COL6A6: variants seen among roughly 807,000 people sequenced by gnomAD.
COL6A6 encodes collagen type VI alpha 6 chain.
In COL6A6, 183 loss-of-function variants were observed where a neutral mutation model predicts 208.6. The ratio of observed to expected loss-of-function variants is 0.88; its 90% CI spans 0.78 to 0.99. The LOEUF is 0.99. Among genes scored for constraint, COL6A6 ranks in the 50% least tolerant of loss-of-function variants. COL6A6 has a pLI of 0.00. For missense variants in COL6A6, 2,816 were observed against 2,815.2 expected (o/e 1.00, Z -0.01); for synonymous variants, 973 against 1,011.8 (o/e 0.96, Z 0.73).
chr3:130,675,881 A>G lies in COL6A6; in HGVS notation c.*484A>G, dbSNP rs2066347428. On this transcript the variant is annotated 3_prime_UTR_variant, in exon 37 of 37. Coordinates refer to ENST00000358511, the MANE Select transcript of COL6A6 (RefSeq NM_001102608.3). The stretch of plus-strand genomic sequence containing the variant: ...GCTGTTTATATGTCGTATTTTTTTA[A>G]AACGTGACCTTCTATTCCACTTAAA... 6.6e-6 allele frequency: 1 copy of G among 152,378 alleles called. No homozygotes were observed. The highest frequency in any genetic ancestry group is 1.5e-5 in the Non-Finnish European group (1 of 68,178). The allele number at this position is 152,378 out of a possible 1,614,324, so 9.4% of individuals were successfully genotyped here. A position where few individuals can be genotyped will look rare whatever the true frequency, so the allele number is the denominator to read the frequency against.
chr3:130,647,013 A>G (rs2065480618), intron 32 of COL6A6, among the ~76,000 whole-genome samples: 1 of 152,160 alleles, frequency 6.6e-6, no homozygotes, highest in African/African-American at 2.4e-5. Context: ...TGTTGTGTTT[A>G]GGTTACATGG....
chr3:130,563,374 A>G lies in COL6A6; in HGVS notation c.371A>G (p.Asn124Ser). 1 of 1,614,014 alleles carries G rather than the reference A, an allele frequency of 6.2e-7. No homozygotes were observed. The highest frequency in any genetic ancestry group is 1.3e-5 in the African/African-American group (1 of 75,058). ...AGGACTTATTTCTCTGCACCCGCAAATGGGAGAGACAAGAAACAGTTTCCC... is the reference window on the plus strand; with the variant it reads ...AGGACTTATTTCTCTGCACCCGCAAGTGGGAGAGACAAGAAACAGTTTCCC... ...AHRTYFSAPA[N>S]GRDKKQFPPI... Residue 124 changes from asparagine to serine, a missense_variant, in exon 3 of 37, where the codon AAT becomes AGT. Asn to Ser is a conservative substitution (Grantham distance 46). Transcript: ENST00000358511.
chr3:130,594,999 A>G (rs57098039), intron 18 of COL6A6, among the ~76,000 whole-genome samples: 13,647 of 152,154 alleles, frequency 0.09, 1,455 homozygotes, highest in African/African-American at 0.26. Flanking sequence ...GATTATTACA[A>G]TTCAAGATGA....
chr3:130,568,234 C>G lies in COL6A6; in HGVS notation c.2031C>G (p.Asn677Lys). 6.2e-7 allele frequency: 1 copy of G among 1,614,032 alleles called. No homozygotes were observed. The highest frequency in any genetic ancestry group is 1.7e-5 in the Admixed American group (1 of 60,032). Residue 677 changes from asparagine to lysine, a missense_variant, in exon 6 of 37, where the codon AAC (asparagine) becomes AAG (lysine). Transcript: ENST00000358511. Reference protein sequence around the residue: ...SDINKEEFQLNRFMSQSDISN... With the variant: ...SDINKEEFQLKRFMSQSDISN... ...TCAATAAGGAAGAGTTTCAGCTCAA[C>G]AGATTCATGTCCCAAAGCGACATTT...
rs764380776 is a variant in COL6A6, at chr3:130,565,045, T to C, written c.713T>C (p.Ile238Thr). The C allele has an allele frequency of 1.2e-6, 2 of 1,613,974 alleles. No homozygotes were observed. Among genetic ancestry groups the C allele is most frequent in the South Asian group, 1.1e-5 (1 of 91,078 alleles). The change falls in exon 4 of 37, where the codon ATC (isoleucine) becomes ACC (threonine). Residue 238 changes from isoleucine to threonine, a missense_variant. Coordinates refer to ENST00000358511, the MANE Select transcript of COL6A6 (RefSeq NM_001102608.3). ...GTTGTGTTCCTATTGGATATGTCAA[T>C]CAATGGAAGTGAGGAGAACTTTGAC... is the stretch of plus-strand genomic sequence containing the variant. Reference protein sequence around the residue: ...ADVVFLLDMSINGSEENFDYL... With the variant: ...ADVVFLLDMSTNGSEENFDYL...
chr3:130,628,451 AAT>A (rs1331759522), intron 26 of COL6A6, among the ~76,000 whole-genome samples: 1 of 152,242 alleles, frequency 6.6e-6, no homozygotes, highest in African/African-American at 2.4e-5. Context: ...GCTAAAAGGA[AAT>A]AACAAAATGT....
rs1268796964 is a variant in COL6A6 at position 130,626,550 on chromosome 3, T to A, written c.4941+3T>A. The A allele has an allele frequency of 1.2e-6, 2 of 1,609,530 alleles. No individual in the cohort carries two copies. The highest frequency in any genetic ancestry group is 3.3e-5 in the Admixed American group (2 of 60,020). ...TTCCTGGTCCTCGTGGCTTGCAGGT[T>A]TGTATTTTGACACTAGTTTTGATCG... is the stretch of plus-strand genomic sequence containing the variant. On this transcript the variant is annotated splice_donor_region_variant and intron_variant, in intron 25 of 36. Coordinates refer to ENST00000358511, the MANE Select transcript of COL6A6 (RefSeq NM_001102608.3).
At position 130,676,126 on chromosome 3, in the gene COL6A6, G is replaced by T. The variant is rs2066352967; in HGVS notation, c.*729G>T. On this transcript the variant is annotated 3_prime_UTR_variant, in exon 37 of 37. Coordinates refer to ENST00000358511, the MANE Select transcript of COL6A6 (RefSeq NM_001102608.3). ...ACTTCTAGTCTGTCTTTCCTGTTAT[G>T]GTCATTTATTAATTTTCACTAATCC... The T allele has an allele frequency of 6.6e-6, 1 of 152,102 alleles. No individual in the cohort carries two copies. Among genetic ancestry groups the T allele is most frequent in the Non-Finnish European group, 1.5e-5 (1 of 68,010 alleles). 9.4% of individuals were successfully genotyped at this position (152,102 alleles called of 1,614,324 possible). A position where few individuals can be genotyped will look rare whatever the true frequency, so the allele number is the denominator to read the frequency against.
chr3:130,593,359 G>C lies in COL6A6; in HGVS notation c.4470+107G>C, dbSNP rs111719239. 3.8e-3 allele frequency: 3,198 copies of C among 852,304 alleles called. 58 individuals carry two copies. In the African/African-American group the frequency reaches 0.043, roughly 12 times the overall value. 52.8% of individuals were successfully genotyped at this position (852,304 alleles called of 1,614,324 possible). ...ATTGCTACAAAACTGTTTTGTGACAGTCATAAAACCTCAATCACATACAAC... is the reference window on the plus strand; with the variant it reads ...ATTGCTACAAAACTGTTTTGTGACACTCATAAAACCTCAATCACATACAAC... On this transcript the variant is annotated intron_variant, in intron 17 of 36. Transcript: ENST00000358511.
intron 18 of COL6A6, among the ~76,000 whole-genome samples, chr3:130,597,157 C>T (rs2063874924): frequency 6.6e-6 from 1 of 152,128 alleles, no homozygotes; most frequent in Admixed American, 6.6e-5. Context: ...ACGTGACCTT[C>T]CTTTTCCTTC....
intron 26 of COL6A6, 57 bp downstream of exon 26, chr3:130,627,426 T>G (rs2108299250): frequency 6.7e-7 from 1 of 1,500,026 alleles, no homozygotes; most frequent in Non-Finnish European, 9.3e-7. Flanking sequence ...TTGCTGGTTT[T>G]GTTTGCCACA....
At position 130,574,295 on chromosome 3, in the gene COL6A6, T is replaced by C. The variant is rs1373080476; in HGVS notation, c.3317T>C (p.Leu1106Pro). 19 of 1,613,898 alleles carry C rather than the reference T, an allele frequency of 1.2e-5. No homozygotes were observed. The Admixed American group carries it at 1.7e-4, about 14-fold the overall frequency. ...SRINTGTPQV[L>P]LVLTDGQSQD... ...ATAAATACAGGTACCCCACAGGTGC[T>C]GCTGGTCCTTACAGATGGCCAGTCC... Residue 1106 changes from leucine to proline, a missense_variant, in exon 8 of 37, where the codon CTG (leucine) becomes CCG (proline). Physicochemically the swap from Leu to Pro is moderately conservative, Grantham distance 98 (BLOSUM62 -3). Transcript: ENST00000358511.
intron 12 of COL6A6, among the ~76,000 whole-genome samples, chr3:130,590,358 A>ACGT (rs2063674217): frequency 1.7e-5 from 2 of 114,898 alleles, no homozygotes; most frequent in South Asian, 6.4e-4. Flanking sequence ...CTTGTGCACA[A>ACGT]CGTGCAGGTC....
chr3:130,574,475 A>T lies in COL6A6; in HGVS notation c.3497A>T (p.Lys1166Met). The change falls in exon 8 of 37, where the codon AAG (lysine) becomes ATG (methionine). Residue 1166 changes from lysine (K) to methionine (M), a missense_variant. Physicochemically the swap from Lys to Met is moderately conservative, Grantham distance 95 (BLOSUM62 -1). Coordinates refer to ENST00000358511, the MANE Select transcript of COL6A6 (RefSeq NM_001102608.3). ...LTVHNFDELK[K>M]VNKRIVRNIC... is the part of the protein sequence containing the mutation. ...GTGCACAACTTCGATGAACTGAAGA[A>T]GGTCAATAAAAGGATCGTTCGCAAC... 1 of 1,614,052 alleles carries T rather than the reference A, an allele frequency of 6.2e-7. No homozygotes were observed. Among genetic ancestry groups the T allele is most frequent in the Non-Finnish European group, 8.5e-7 (1 of 1,179,898 alleles).
At chr3:130,607,090 C>A (rs1378772390) in intron 21 of COL6A6, 124 bp downstream of exon 21, 4 of 679,842 alleles carry the variant, frequency 5.9e-6, no homozygotes, top group Non-Finnish European at 9.2e-6. Flanking sequence ...GAATAGAAAG[C>A]TGAAAAAATT....
chr3:130,520,408 C>T (rs1444398211), intron 1 of COL6A6, among the ~76,000 whole-genome samples: 1 of 152,168 alleles, frequency 6.6e-6, no homozygotes, highest in Non-Finnish European at 1.5e-5. Context: ...TCTTCTGTTT[C>T]CTCGCCCTCC....
chr3:130,590,789 G>A (rs913817608), intron 12 of COL6A6, among the ~76,000 whole-genome samples: 10 of 151,642 alleles, frequency 6.6e-5, no homozygotes, highest in South Asian at 2.1e-4. Flanking sequence ...GGATGGTCTC[G>A]ATCTCCTGGC....
chr3:130,566,593 T>G, intron 4 of COL6A6, 109 bp from the exon 5 acceptor site: 1 of 858,890 alleles, frequency 1.2e-6, no homozygotes, highest in East Asian at 2.7e-5. Context: ...AGAAGCTGTT[T>G]CCCATTTTTC....
chr3:130,588,844 CAG>C (rs758201204), intron 11 of COL6A6, among the ~76,000 whole-genome samples: 2 of 136,144 alleles, frequency 1.5e-5, no homozygotes, highest in Non-Finnish European at 3.0e-5. Context: ...TTTGAAAACA[CAG>C]AAACATTTTT....
Sources: gnomAD v4.1 joint callset for allele counts (sites outside exome capture counted in the v4.1 genomes callset) on GRCh38, gnomAD v4.1.1 for gene constraint, MANE v1.5 for transcripts, NCBI Gene and HGNC (gene_info 2026-07-23, HGNC 2026-07-21) for gene names.